Variants in PYGL observed in about 807,000 individuals in gnomAD.
PYGL encodes the protein glycogen phosphorylase L.
In PYGL, 90 loss-of-function variants were observed where a neutral mutation model predicts 100.1. The observed-to-expected ratio is 0.90, with a 90% CI of 0.76 to 1.07. The LOEUF (loss-of-function observed/expected upper bound fraction) is 1.07. PYGL is among the 50% of genes least tolerant of loss of function. PYGL has a pLI of 0.00. For missense variants in PYGL, 1,016 were observed against 1,057.6 expected, an observed-to-expected ratio of 0.96 and a Z score of 0.55; for synonymous variants, 373 against 393.0, an observed-to-expected ratio of 0.95 and a Z score of 0.60.
Position 50,910,010 on chromosome 14 carries a change from G to C in PYGL, c.2062C>G (p.Leu688Val), listed in dbSNP as rs138483823. 2.0e-5 allele frequency: 33 copies of C among 1,614,028 alleles called. No individual in the cohort carries two copies. In the African/African-American group the frequency reaches 4.1e-4, roughly 20 times the overall value. The change falls in exon 17 of 20, where the codon CTA becomes GTA. Residue 688 changes from leucine to valine, a missense_variant. Leu to Val is a conservative substitution (Grantham distance 32, BLOSUM62 1). Coordinates refer to ENST00000216392, the MANE Select transcript of PYGL (RefSeq NM_002863.5). ...GCCCCATCCATGGTCCCGATAGTTA[G>C]GGCCCCATTTAGCATGAACTTCATA... is the stretch of plus-strand genomic sequence containing the variant. The part of the protein sequence containing the change: ...GNMKFMLNGA[L>V]TIGTMDGANV...
chr14:50,930,778 G>T (rs2050594727), intron 4 of PYGL, among the ~76,000 whole-genome samples: 1 of 152,138 alleles, frequency 6.6e-6, no homozygotes, highest in Admixed American at 6.6e-5. Context: ...GGCTCAGAGA[G>T]CTCAAGTTTT....
At chr14:50,908,005 G>C (rs2050350385) in intron 19 of PYGL, 2 of 353,636 alleles carry the variant, frequency 5.7e-6, no homozygotes, top group East Asian at 6.3e-5. Context: ...CTGAGTGACA[G>C]AGCGAGATCT....
rs755485474 is a variant in PYGL at position 50,912,166 on chromosome 14, C to T, written c.1758G>A (p.Thr586=). Residue 586 remains threonine, a synonymous_variant, in exon 14 of 20, where the codon ACG becomes ACA. Coordinates refer to ENST00000216392, the MANE Select transcript of PYGL (RefSeq NM_002863.5). ...ACAGGGCTGACTCACGGTTGTACAT[C>T]GTGATCACATGCAGACAGTTCAAGA... is the stretch of plus-strand genomic sequence containing the variant. ...RQLLNCLHVI[T]MYNRIKKDPK... is the part of the protein sequence containing the mutation. 5.2e-5 allele frequency: 84 copies of T among 1,614,094 alleles called. No homozygotes were observed. Among genetic ancestry groups the T allele is most frequent in the African/African-American group, 9.3e-5 (7 of 74,922 alleles).
At chr14:50,939,434 T>C (rs932333690) in intron 1 of PYGL, among the ~76,000 whole-genome samples, 1 of 152,250 alleles carries the variant, frequency 6.6e-6, no homozygotes, top group African/African-American at 2.4e-5. Context: ...TGTTTGTTCT[T>C]ATTGAAATTG....
intron 5 of PYGL, among the ~76,000 whole-genome samples, chr14:50,921,743 G>T (rs1464509237): frequency 6.6e-6 from 1 of 152,098 alleles, no homozygotes; most frequent in African/African-American, 2.4e-5. Context: ...AATATGATAT[G>T]CAAACAAAGT....
chr14:50,938,605 G>C (rs1359966026), intron 1 of PYGL, among the ~76,000 whole-genome samples: 4 of 152,184 alleles, frequency 2.6e-5, no homozygotes, highest in Non-Finnish European at 4.4e-5. Context: ...TGGAGTCTGG[G>C]ATGGTGACTC....
chr14:50,931,692 TTC>T lies in PYGL; in HGVS notation c.507_508del (p.Lys170AspfsTer12). The T allele has an allele frequency of 6.2e-7, 1 of 1,613,890 alleles. No homozygotes were observed. Among genetic ancestry groups the T allele is most frequent in the Non-Finnish European group, 8.5e-7 (1 of 1,179,814 alleles). On this transcript the variant is annotated frameshift_variant, in exon 4 of 20. Coordinates refer to ENST00000216392, the MANE Select transcript of PYGL (RefSeq NM_002863.5). LOFTEE classifies it high-confidence loss of function. ...ACACACCTGCCATCCATCTCGGATC[TTC>T]TGATTGAAAATCCCATATTCATACC...
At position 50,910,107 on chromosome 14, in the gene PYGL, A is replaced by C; in HGVS notation, c.1970-5T>G. ...ACAGATCTGTGGCTGGAATGACTGC[A>C]AGAAAGGTAAGTTAAAATTAGTAAT... On this transcript the variant is annotated splice_region_variant and splice_polypyrimidine_tract_variant and intron_variant, in intron 16 of 19. Transcript: ENST00000216392. 1 of 1,611,158 alleles carries C rather than the reference A, an allele frequency of 6.2e-7. No homozygotes were observed. Among genetic ancestry groups the C allele is most frequent in the Non-Finnish European group, 8.5e-7 (1 of 1,177,294 alleles).
chr14:50,912,940 C>T (rs766420278), intron 13 of PYGL, 89 bp downstream of exon 13: 74 of 1,227,914 alleles, frequency 6.0e-5, no homozygotes, highest in South Asian at 8.7e-5. Flanking sequence ...GGCAACAGAG[C>T]GAGACTCTGT....
chr14:50,931,733 A>G lies in PYGL; in HGVS notation c.468T>C (p.Tyr156=). 1.9e-6 allele frequency: 3 copies of G among 1,614,042 alleles called. No individual in the cohort carries two copies. Among genetic ancestry groups the G allele is most frequent in the Middle Eastern group, 1.6e-4 (1 of 6,062 alleles). ...CATATTCATACCGAATGCCGTATCC[A>G]TAGGCTGCAAGTCCCAGGGTTGCCA... ...DSMATLGLAA[Y]GYGIRYEYGI... is the part of the protein sequence containing the mutation. Residue 156 remains tyrosine, a synonymous_variant, in exon 4 of 20, where the codon TAT becomes TAC. Transcript: ENST00000216392.
At chr14:50,922,805 G>GTGT (rs2050513891) in intron 5 of PYGL, among the ~76,000 whole-genome samples, 1 of 152,220 alleles carries the variant, frequency 6.6e-6, no homozygotes, top group South Asian at 2.1e-4. Context: ...TGGCACACCT[G>GTGT]TGTCACAGTC....
intron 19 of PYGL, among the ~76,000 whole-genome samples, chr14:50,906,326 A>T (rs1476957562): frequency 6.6e-6 from 1 of 152,250 alleles, no homozygotes; most frequent in Non-Finnish European, 1.5e-5. Flanking sequence ...AACTACCATC[A>T]TTCCTTAAGG....
intron 3 of PYGL, among the ~76,000 whole-genome samples, chr14:50,934,671 ATG>A (rs1000152292): frequency 4.7e-5 from 7 of 150,068 alleles, no homozygotes; most frequent in African/African-American, 7.3e-5. Context: ...ATATATATAT[ATG>A]TGTGTGTGTG....
chr14:50,924,308 CCT>C (rs1386088774), intron 4 of PYGL, among the ~76,000 whole-genome samples: 16 of 152,118 alleles, frequency 1.1e-4, no homozygotes, highest in Non-Finnish European at 2.4e-4. Flanking sequence ...TGCATTTAAT[CCT>C]CTTTTAAAGA....
At chr14:50,908,074 C>T in intron 19 of PYGL, 197 bp downstream of exon 19, 1 of 463,118 alleles carries the variant, frequency 2.2e-6, no homozygotes, top group East Asian at 4.0e-5. Context: ...AAATCTCAAC[C>T]TTGGCCTGAA....
Position 50,905,570 on chromosome 14 carries a change from A to G in PYGL, c.2380-14T>C, listed in dbSNP as rs2142782039. 6.2e-7 allele frequency: 1 copy of G among 1,613,750 alleles called. No individual in the cohort carries two copies. The highest frequency in any genetic ancestry group is 8.5e-7 in the Non-Finnish European group (1 of 1,179,652). ...GGCCTTTGGATTCTGTAAACAACAT[A>G]TGCATATACAGCCCAGAGTCCCAGT... On this transcript the variant is annotated splice_polypyrimidine_tract_variant and intron_variant, in intron 19 of 19. Transcript: ENST00000216392.
intron 7 of PYGL, among the ~76,000 whole-genome samples, chr14:50,918,517 C>A (rs966840121): frequency 6.6e-6 from 1 of 152,286 alleles, no homozygotes; most frequent in Admixed American, 6.5e-5. Flanking sequence ...AAAATAATGT[C>A]TTTTGCAGCA....
At chr14:50,934,921 A>G (rs557519996) in intron 3 of PYGL, among the ~76,000 whole-genome samples, 186 bp downstream of exon 3, 11 of 152,234 alleles carry the variant, frequency 7.2e-5, no homozygotes, top group African/African-American at 2.4e-4. Context: ...TCAAGTTCCC[A>G]TCTCTACTAT....
intron 7 of PYGL, among the ~76,000 whole-genome samples, 200 bp downstream of exon 7, chr14:50,920,340 CA>C (rs1157532087): frequency 1.3e-5 from 2 of 152,140 alleles, no homozygotes; most frequent in Admixed American, 1.3e-4. Flanking sequence ...GGCAAAATAC[CA>C]ATTCTGATTT....
Sources: allele counts gnomAD v4.1 joint callset (sites outside exome capture counted in the v4.1 genomes callset), GRCh38; gene constraint gnomAD v4.1.1; transcripts MANE v1.5; gene names NCBI Gene and HGNC (gene_info 2026-07-23, HGNC 2026-07-21).